Variants in FILIP1 observed in about 807,000 individuals in gnomAD.
FILIP1 encodes the protein filamin A interacting protein 1.
A neutral mutation model predicts 102.1 loss-of-function variants in FILIP1; 61 were observed. The ratio of observed to expected loss-of-function variants is 0.60; its 90% confidence interval spans 0.49 to 0.74. The LOEUF (loss-of-function observed/expected upper bound fraction) is 0.74, where lower values mean the gene tolerates loss of function less well. FILIP1 is among the 30% of genes least tolerant of loss of function. The pLI is 0.00. For missense variants in FILIP1, 1,314 were observed against 1,441.2 expected (o/e 0.91, Z 1.43); for synonymous variants, 491 against 526.9 (o/e 0.93, Z 0.93).
At chr6:75,493,042 T>C (rs528311000) in intron 1 of FILIP1, among the ~76,000 whole-genome samples, 1 of 152,348 alleles carries the variant, frequency 6.6e-6, no homozygotes, top group African/African-American at 2.4e-5. Context: ...TAAATGAAAG[T>C]TATTTTACTT....
At chr6:75,417,021 A>G (rs1231566460) in intron 1 of FILIP1, among the ~76,000 whole-genome samples, 1 of 152,120 alleles carries the variant, frequency 6.6e-6, no homozygotes, top group Non-Finnish European at 1.5e-5. Context: ...ATTTTAAAAT[A>G]AAGTTTATTA....
intron 3 of FILIP1, among the ~76,000 whole-genome samples, chr6:75,354,197 A>G (rs2149603024): frequency 6.6e-6 from 1 of 152,336 alleles, no homozygotes; most frequent in Admixed American, 6.5e-5. Flanking sequence ...GCAATTTTCC[A>G]AAGAAGCTGT....
At chr6:75,397,207 G>T (rs1242795627) in intron 2 of FILIP1, among the ~76,000 whole-genome samples, 1 of 151,036 alleles carries the variant, frequency 6.6e-6, no homozygotes, top group Non-Finnish European at 1.5e-5. Flanking sequence ...ATAAATAAAA[G>T]ACTTATTCAG....
intron 2 of FILIP1, among the ~76,000 whole-genome samples, chr6:75,389,720 C>T (rs1582433718): frequency 1.3e-5 from 2 of 151,972 alleles, no homozygotes; most frequent in African/African-American, 4.8e-5. Context: ...GTGTTGATCT[C>T]CCCTTTATCA....
chr6:75,374,524 G>A (rs535337158), intron 2 of FILIP1, among the ~76,000 whole-genome samples: 32 of 152,170 alleles, frequency 2.1e-4, no homozygotes, highest in South Asian at 2.1e-3. Context: ...GACTACAGGC[G>A]CGTGCCACCA....
chr6:75,353,482 C>A (rs1414539127), intron 4 of FILIP1, 57 bp downstream of exon 4: 3 of 1,582,820 alleles, frequency 1.9e-6, no homozygotes, highest in Non-Finnish European at 2.6e-6. Flanking sequence ...AAGGGACGGG[C>A]AGACATGAAA....
At chr6:75,478,808 T>C (rs1289708184) in intron 1 of FILIP1, among the ~76,000 whole-genome samples, 1 of 152,196 alleles carries the variant, frequency 6.6e-6, no homozygotes, top group African/African-American at 2.4e-5. Context: ...TATCTACAAA[T>C]ACTACGGTAA....
In FILIP1 at chr6:75,447,651, C is replaced by G. The variant is rs561221194; in HGVS notation, c.-6-32673G>C. Among the ~76,000 whole-genome samples, 3 of 152,188 alleles carry G rather than the reference C, an allele frequency of 2.0e-5. No homozygotes were observed. The South Asian group carries it at 6.2e-4, about 32-fold the overall frequency. ...AGCTAATGTTAAGGACTGAAAGGTC[C>G]TGAAGTTATTTTTGCATTCTAGGTG... On this transcript the variant is annotated intron_variant, in intron 1 of 5. Coordinates refer to ENST00000237172, the MANE Select transcript of FILIP1 (RefSeq NM_015687.5).
chr6:75,322,946 G>A (rs1473582451), intron 4 of FILIP1, among the ~76,000 whole-genome samples: 2 of 152,032 alleles, frequency 1.3e-5, no homozygotes, highest in East Asian at 1.9e-4. Flanking sequence ...CACCCACCTC[G>A]GCCTCCCAAA....
intron 2 of FILIP1, among the ~76,000 whole-genome samples, chr6:75,400,234 T>C (rs1248093979): frequency 6.6e-6 from 1 of 152,200 alleles, no homozygotes; most frequent in Non-Finnish European, 1.5e-5. Context: ...GCATTTAACA[T>C]GCAATACTTT....
intron 2 of FILIP1, among the ~76,000 whole-genome samples, chr6:75,403,676 G>A (rs1054694806): frequency 7.9e-5 from 12 of 152,198 alleles, no homozygotes; most frequent in African/African-American, 2.9e-4. Context: ...AAAAAATGTA[G>A]AGACTGCCTG....
chr6:75,425,390 G>C (rs1016161985), intron 1 of FILIP1, among the ~76,000 whole-genome samples: 1 of 152,148 alleles, frequency 6.6e-6, no homozygotes, highest in African/African-American at 2.4e-5. Flanking sequence ...AGAAGTTTCA[G>C]ATTCAGCGTG....
At chr6:75,420,876 A>G (rs1362508675) in intron 1 of FILIP1, among the ~76,000 whole-genome samples, 7 of 152,196 alleles carry the variant, frequency 4.6e-5, no homozygotes, top group African/African-American at 1.4e-4. Context: ...TCTTCAAATC[A>G]TTGAAATACC....
In FILIP1 at chr6:75,312,825, G is replaced by T. The variant is rs34807169; in HGVS notation, c.3007C>A (p.Pro1003Thr). The change falls in exon 5 of 6, where the codon CCC becomes ACC. Residue 1003 changes from proline (P) to threonine (T), a missense_variant. By Grantham distance (38) the Pro-to-Thr change is conservative. Transcript: ENST00000237172. ...ESGRGAFADR[P>T]TSPIQIMTVS... ...GTCATTATCTGAATAGGGGATGTGG[G>T]CCTGTCTGCAAATGCGCCTCTTCCA... 2 of 1,614,124 alleles carry T rather than the reference G, an allele frequency of 1.2e-6. No homozygotes were observed. The highest frequency in any genetic ancestry group is 8.5e-7 in the Non-Finnish European group (1 of 1,180,030).
downstream of FILIP1, chr6:75,308,012 C>T (rs765955751): frequency 8.4e-4 from 829 of 982,446 alleles, 2 homozygotes; most frequent in Non-Finnish European, 9.5e-4. Flanking sequence ...CTAAGAAATT[C>T]TGGGAATCTT....
At chr6:75,326,331 A>G (rs942213840) in intron 4 of FILIP1, among the ~76,000 whole-genome samples, 2 of 152,142 alleles carry the variant, frequency 1.3e-5, no homozygotes, top group African/African-American at 4.8e-5. Flanking sequence ...GATACAATGG[A>G]CTTTGGGGAC....
chr6:75,435,110 G>A (rs1470483655), intron 1 of FILIP1, among the ~76,000 whole-genome samples: 1 of 152,022 alleles, frequency 6.6e-6, no homozygotes, highest in African/African-American at 2.4e-5. Context: ...GAGGATTTTT[G>A]CATCTCTGTT....
chr6:75,315,278 C>T (rs1773400547), intron 4 of FILIP1, 76 bp from the exon 5 acceptor site: 2 of 908,754 alleles, frequency 2.2e-6, no homozygotes, highest in Admixed American at 3.6e-5. Context: ...AAATAAAAAA[C>T]AAAAAGCCAC....
Position 75,441,583 on chromosome 6 carries a change from G to A in FILIP1, c.-6-26605C>T, listed in dbSNP as rs569083756. On this transcript the variant is annotated intron_variant, in intron 1 of 5. Transcript: ENST00000237172. ...CGGGCAGAGGCGCCCCTCTCCTCCC[G>A]GACGGGGCGGCTGGCCGGGCAGGGG... 1.7e-3 allele frequency among the ~76,000 whole-genome samples: 249 copies of A among 149,428 alleles called. 6 individuals carry two copies. The East Asian group carries it at 0.04, about 24-fold the overall frequency.
Sources: gnomAD v4.1 joint callset for allele counts (sites outside exome capture counted in the v4.1 genomes callset) on GRCh38, gnomAD v4.1.1 for gene constraint, MANE v1.5 for transcripts, NCBI Gene and HGNC (gene_info 2026-07-23, HGNC 2026-07-21) for gene names.